Variants in P2RY12 observed in about 807,000 individuals in gnomAD.
P2RY12 encodes the protein purinergic receptor P2Y12.
P2RY12 carries 3 observed loss-of-function variants against 4.5 expected under a neutral mutation model. The ratio of observed to expected loss-of-function variants is 0.67; its 90% CI spans 0.31 to 1.74. The LOEUF (loss-of-function observed/expected upper bound fraction) is 1.74, where lower values mean the gene tolerates loss of function less well. Ranked by LOEUF, P2RY12 falls within the 40% of genes most tolerant of loss-of-function variation. The pLI is 0.09. For synonymous variants in P2RY12, 148 were observed against 154.1 expected (o/e 0.96, Z 0.29); for missense variants, 356 against 407.8 (o/e 0.87, Z 1.09).
At chr3:151,352,614 C>T (rs1170858899) in intron 1 of P2RY12, among the ~76,000 whole-genome samples, 1 of 141,130 alleles carries the variant, frequency 7.1e-6, no homozygotes, top group African/African-American at 2.7e-5. Context: ...TTTCTGGGAA[C>T]ACATGAAAAT....
intron 1 of P2RY12, among the ~76,000 whole-genome samples, chr3:151,383,229 C>T (rs1712721876): frequency 6.6e-6 from 1 of 152,164 alleles, no homozygotes; most frequent in Non-Finnish European, 1.5e-5. Flanking sequence ...CAGGCAGGCC[C>T]AAGTGCAGGC....
At chr3:151,353,417 G>A (rs1753492129) in intron 1 of P2RY12, among the ~76,000 whole-genome samples, 1 of 152,196 alleles carries the variant, frequency 6.6e-6, no homozygotes, top group African/African-American at 2.4e-5. Context: ...GAAAAAATAA[G>A]CAGGTTTAAT....
chr3:151,360,674 T>C, intron 1 of P2RY12: 2 of 1,393,000 alleles, frequency 1.4e-6, no homozygotes, highest in Non-Finnish European at 2.0e-6. Flanking sequence ...CCTGACAATA[T>C]TGTCATCCTT....
chr3:151,374,105 A>T (rs1756521721), intron 1 of P2RY12, among the ~76,000 whole-genome samples: 1 of 152,196 alleles, frequency 6.6e-6, no homozygotes. Flanking sequence ...CCCTAGTAAG[A>T]ATGCTGATTC....
At chr3:151,359,912 G>C (rs899631569) in intron 1 of P2RY12, among the ~76,000 whole-genome samples, 3 of 152,106 alleles carry the variant, frequency 2.0e-5, no homozygotes, top group Admixed American at 6.6e-5. Flanking sequence ...TTACAAAACA[G>C]AAGGGGCTTT....
intron 1 of P2RY12, among the ~76,000 whole-genome samples, chr3:151,381,919 A>G (rs918726673): frequency 6.6e-6 from 1 of 152,148 alleles, no homozygotes; most frequent in African/African-American, 2.4e-5. Context: ...CTCTTTTAAG[A>G]TGACTCTCAT....
chr3:151,355,848 A>T (rs768072012), intron 1 of P2RY12: 15 of 1,496,862 alleles, frequency 1.0e-5, no homozygotes, highest in Non-Finnish European at 1.4e-5. Flanking sequence ...TTAGTAAAAG[A>T]TTATTTAGAA....
chr3:151,366,994 T>C (rs1389959776), intron 1 of P2RY12, among the ~76,000 whole-genome samples: 2 of 152,196 alleles, frequency 1.3e-5, no homozygotes, highest in African/African-American at 4.8e-5. Flanking sequence ...GTCCTTGGCA[T>C]ATGGTGCGAA....
intron 1 of P2RY12, chr3:151,350,298 A>G: frequency 7.9e-7 from 1 of 1,259,142 alleles, no homozygotes; most frequent in Non-Finnish European, 1.1e-6. Context: ...GTCACTGTCA[A>G]CAGAGCGTTT....
intron 1 of P2RY12, chr3:151,350,341 A>G: frequency 1.4e-6 from 1 of 701,050 alleles, no homozygotes; most frequent in Non-Finnish European, 2.1e-6. Flanking sequence ...TTGAAATGTG[A>G]ACAAGCACAT....
intron 1 of P2RY12, among the ~76,000 whole-genome samples, chr3:151,344,010 C>G (rs980622683): frequency 1.3e-5 from 2 of 152,090 alleles, no homozygotes; most frequent in Admixed American, 6.6e-5. Context: ...GCTAGCTTGG[C>G]TTTATCCATT....
chr3:151,342,052 CT>C (rs1458571467), intron 1 of P2RY12, among the ~76,000 whole-genome samples: 2 of 152,138 alleles, frequency 1.3e-5, no homozygotes, highest in African/African-American at 4.8e-5. Context: ...GTGCATGTGT[CT>C]TTATAGCAGC....
At chr3:151,347,298 C>T (rs1752660992) in intron 1 of P2RY12, among the ~76,000 whole-genome samples, 3 of 152,126 alleles carry the variant, frequency 2.0e-5, no homozygotes, top group Admixed American at 2.0e-4. Flanking sequence ...CATTAGTCTG[C>T]TTATTTTGTA....
At chr3:151,364,225 G>A (rs980019756) in intron 1 of P2RY12, among the ~76,000 whole-genome samples, 1 of 152,154 alleles carries the variant, frequency 6.6e-6, no homozygotes, top group Non-Finnish European at 1.5e-5. Flanking sequence ...CACAGAGCAG[G>A]TTTGGAGGAG....
chr3:151,370,575 G>A (rs551574757), intron 1 of P2RY12, among the ~76,000 whole-genome samples: 1 of 152,280 alleles, frequency 6.6e-6, no homozygotes, highest in South Asian at 2.1e-4. Context: ...TCCTCTGAGT[G>A]TAGGCGCTTA....
chr3:151,350,814 CAT>C (rs951057024), intron 1 of P2RY12, among the ~76,000 whole-genome samples: 4 of 152,290 alleles, frequency 2.6e-5, no homozygotes, highest in Non-Finnish European at 5.9e-5. Context: ...ATCCTTTTGA[CAT>C]AGTTTTTACA....
chr3:151,372,199 C>T (rs1343842604), intron 1 of P2RY12, among the ~76,000 whole-genome samples: 2 of 152,020 alleles, frequency 1.3e-5, no homozygotes, highest in Non-Finnish European at 1.5e-5. Flanking sequence ...GGTGAGTAAC[C>T]CATTTTTTCC....
At chr3:151,341,451 A>G (rs776620319) in intron 1 of P2RY12, among the ~76,000 whole-genome samples, 1 of 152,100 alleles carries the variant, frequency 6.6e-6, no homozygotes, top group Non-Finnish European at 1.5e-5. Flanking sequence ...AAAATATAAC[A>G]TTAAATTAAG....
intron 1 of P2RY12, among the ~76,000 whole-genome samples, chr3:151,363,371 A>G (rs967803134): frequency 2.6e-5 from 4 of 152,122 alleles, no homozygotes; most frequent in African/African-American, 4.8e-5. Flanking sequence ...CTGAACCACC[A>G]TTCATAAAGT....
Sources: allele counts gnomAD v4.1 joint callset (sites outside exome capture counted in the v4.1 genomes callset), GRCh38; gene constraint gnomAD v4.1.1; transcripts MANE v1.5; gene names NCBI Gene and HGNC (gene_info 2026-07-23, HGNC 2026-07-21).